ANKRD28: variants seen among roughly 807,000 people sequenced by gnomAD.
ANKRD28 encodes ankyrin repeat domain 28.
In ANKRD28, 44 loss-of-function variants were observed where a neutral mutation model predicts 126.5. The ratio of observed to expected loss-of-function variants is 0.35; its 90% CI spans 0.27 to 0.45. The LOEUF (loss-of-function observed/expected upper bound fraction) is 0.45, where lower values mean the gene tolerates loss of function less well. Among genes scored for constraint, ANKRD28 ranks in the 20% least tolerant of loss-of-function variants. ANKRD28 has a pLI of 1.00. For synonymous variants in ANKRD28, 442 were observed against 468.5 expected (o/e 0.94, Z 0.73); for missense variants, 1,110 against 1,316.6 (o/e 0.84, Z 2.43).
chr3:15,798,361 A>G (rs1490344183), upstream of ANKRD28, among the ~76,000 whole-genome samples: 1 of 152,180 alleles, frequency 6.6e-6, no homozygotes, highest in Non-Finnish European at 1.5e-5. Flanking sequence ...AAATTGTTTT[A>G]TTCATATTTT....
intron 2 of ANKRD28, 84 bp downstream of exon 2, chr3:15,795,139 G>A (rs2060217125): frequency 6.2e-6 from 6 of 968,592 alleles, no homozygotes. Flanking sequence ...GTTATATTAT[G>A]TCTTGTAAAC....
intron 7 of ANKRD28, among the ~76,000 whole-genome samples, 194 bp downstream of exon 7, chr3:15,724,188 A>C (rs1051355088): frequency 2.6e-5 from 4 of 152,196 alleles, no homozygotes; most frequent in Non-Finnish European, 4.4e-5. Context: ...TTTACCTCTT[A>C]ACATGCTTTG....
At chr3:15,708,293 C>T (rs1288039317) in intron 13 of ANKRD28, among the ~76,000 whole-genome samples, 1 of 152,174 alleles carries the variant, frequency 6.6e-6, no homozygotes, top group Non-Finnish European at 1.5e-5. Context: ...GTTATTTCAT[C>T]GCCTCCAGGC....
chr3:15,792,761 A>G (rs1263264521), intron 2 of ANKRD28, among the ~76,000 whole-genome samples: 1 of 152,180 alleles, frequency 6.6e-6, no homozygotes, highest in African/African-American at 2.4e-5. Context: ...TGAATACCTA[A>G]TTCTTCATGA....
chr3:15,799,070 CAT>C (rs1399943242), upstream of ANKRD28, among the ~76,000 whole-genome samples: 1 of 151,902 alleles, frequency 6.6e-6, no homozygotes, highest in African/African-American at 2.4e-5. Context: ...ATTTTAAACA[CAT>C]ACTCTTTCTA....
At chr3:15,736,606 C>A (rs1003977876) in intron 5 of ANKRD28, among the ~76,000 whole-genome samples, 1 of 152,208 alleles carries the variant, frequency 6.6e-6, no homozygotes, top group Non-Finnish European at 1.5e-5. Flanking sequence ...TGTAAGATAA[C>A]TAAATAGCAA....
chr3:15,718,657 C>A (rs1487574379), intron 8 of ANKRD28, among the ~76,000 whole-genome samples: 1 of 152,120 alleles, frequency 6.6e-6, no homozygotes, highest in Non-Finnish European at 1.5e-5. Context: ...CCAATCTCTA[C>A]CTTTTAAAGA....
At chr3:15,677,662 C>A in intron 24 of ANKRD28, 100 bp from the exon 25 acceptor site, 1 of 793,666 alleles carries the variant, frequency 1.3e-6, no homozygotes, top group East Asian at 2.7e-5. Flanking sequence ...CAAAAAAGTC[C>A]CTCTCACAAA....
intron 2 of ANKRD28, among the ~76,000 whole-genome samples, chr3:15,778,424 G>GA (rs905110700): frequency 2.0e-4 from 31 of 151,712 alleles, no homozygotes; most frequent in Non-Finnish European, 3.2e-4. Flanking sequence ...CTGACTAAAG[G>GA]AAAAAAAATC....
chr3:15,794,729 T>C (rs2060199160), intron 2 of ANKRD28, among the ~76,000 whole-genome samples: 1 of 152,164 alleles, frequency 6.6e-6, no homozygotes, highest in Non-Finnish European at 1.5e-5. Context: ...CAAAAATTAA[T>C]CAAGCACCAT....
chr3:15,795,402 T>G, intron 1 of ANKRD28, 96 bp from the exon 2 acceptor site: 3 of 794,318 alleles, frequency 3.8e-6, no homozygotes, highest in Admixed American at 2.5e-5. Flanking sequence ...TTTTCTTCCC[T>G]GTAGCAATAA....
At chr3:15,727,480 T>A (rs1348738275) in intron 6 of ANKRD28, among the ~76,000 whole-genome samples, 4 of 136,856 alleles carry the variant, frequency 2.9e-5, no homozygotes, top group African/African-American at 1.1e-4. Context: ...GGCAGGAGAA[T>A]CACTTGAACA....
chr3:15,698,044 T>C (rs1280628586), intron 14 of ANKRD28, among the ~76,000 whole-genome samples: 2 of 152,208 alleles, frequency 1.3e-5, no homozygotes, highest in African/African-American at 4.8e-5. Flanking sequence ...TATTCTCTGA[T>C]TGTAGTTTGT....
At position 15,706,071 on chromosome 3, in the gene ANKRD28, T is replaced by G. The variant is rs569825645; in HGVS notation, c.1547+1853A>C. 2.2e-3 allele frequency among the ~76,000 whole-genome samples: 331 copies of G among 152,024 alleles called. 1 individual carries two copies. The highest frequency in any genetic ancestry group is 3.7e-3 in the South Asian group (18 of 4,822). The stretch of plus-strand genomic sequence containing the variant: ...ACAAAAAACCCCTAGAATTTTTTTT[T>G]TGTGTGTGTGTGATTCTGAAATCTT... On this transcript the variant is annotated intron_variant, in intron 14 of 27. Transcript: ENST00000683139.
Position 15,720,896 on chromosome 3 carries a change from TTC to T in ANKRD28, c.996+17_996+18del, listed in dbSNP as rs1486816529. 1.9e-6 allele frequency: 3 copies of T among 1,606,852 alleles called. No homozygotes were observed. The highest frequency in any genetic ancestry group is 1.1e-5 in the South Asian group (1 of 90,416). On this transcript the variant is annotated intron_variant, in intron 8 of 27. Coordinates refer to ENST00000683139, the MANE Select transcript of ANKRD28 (RefSeq NM_001349278.2). ...CAGTGACATATGAAATACTTATAGA[TTC>T]TGATTTTGTTCCTTACCTTCATATT...
intron 4 of ANKRD28, among the ~76,000 whole-genome samples, chr3:15,744,587 G>T (rs1382246568): frequency 6.6e-6 from 1 of 152,058 alleles, no homozygotes; most frequent in Non-Finnish European, 1.5e-5. Flanking sequence ...AAACTGCTGG[G>T]ATTCCAGGCG....
chr3:15,757,943 G>A (rs2058254129), intron 3 of ANKRD28, among the ~76,000 whole-genome samples: 1 of 152,140 alleles, frequency 6.6e-6, no homozygotes, highest in Non-Finnish European at 1.5e-5. Flanking sequence ...CTTTCACTAT[G>A]ACAACAGAGT....
intron 10 of ANKRD28, among the ~76,000 whole-genome samples, 183 bp from the exon 11 acceptor site, chr3:15,712,405 C>T (rs980356707): frequency 6.6e-6 from 1 of 152,102 alleles, no homozygotes; most frequent in Non-Finnish European, 1.5e-5. Context: ...TATTTTTCTC[C>T]AAAAGTCAGG....
upstream of ANKRD28, among the ~76,000 whole-genome samples, chr3:15,802,728 T>A (rs989849884): frequency 5.9e-5 from 9 of 152,200 alleles, no homozygotes; most frequent in African/African-American, 1.9e-4. Context: ...TTCTCAATCA[T>A]CTTCAGCCAC....
Sources: gnomAD v4.1 joint callset for allele counts (sites outside exome capture counted in the v4.1 genomes callset) on GRCh38, gnomAD v4.1.1 for gene constraint, MANE v1.5 for transcripts, NCBI Gene and HGNC (gene_info 2026-07-23, HGNC 2026-07-21) for gene names.